The following ZNF385D variants were observed in gnomAD, a reference collection of about 807,000 sequenced individuals.
ZNF385D encodes the protein zinc finger protein 385D.
ZNF385D carries 15 observed loss-of-function variants against 35.8 expected under a neutral mutation model. That is an observed-to-expected ratio of 0.42 (90% CI 0.28 to 0.64). The LOEUF (loss-of-function observed/expected upper bound fraction) is 0.64. Among genes scored for constraint, ZNF385D ranks in the 30% least tolerant of loss-of-function variants. ZNF385D has a pLI of 0.23. For missense variants in ZNF385D, 474 were observed against 494.6 expected, an observed-to-expected ratio of 0.96 and a Z score of 0.39; for synonymous variants, 212 against 186.8, an observed-to-expected ratio of 1.13 and a Z score of -1.10.
chr3:21,689,649 G>A (rs2067219327), intron 1 of ZNF385D, among the ~76,000 whole-genome samples: 1 of 152,104 alleles, frequency 6.6e-6, no homozygotes, highest in African/African-American at 2.4e-5. Flanking sequence ...GGTCAGTCAG[G>A]TAACTGTCTG....
intron 3 of ZNF385D, among the ~76,000 whole-genome samples, chr3:21,790,104 T>C (rs899882589): frequency 2.6e-4 from 40 of 151,980 alleles, no homozygotes; most frequent in Non-Finnish European, 3.8e-4. Flanking sequence ...TAACTATCTA[T>C]GCTCATGGAT....
At chr3:22,279,836 C>T (rs1255546581) in intron 2 of ZNF385D, among the ~76,000 whole-genome samples, 1 of 151,924 alleles carries the variant, frequency 6.6e-6, no homozygotes, top group Non-Finnish European at 1.5e-5. Context: ...GGCAGATCTA[C>T]TTTTAGCTCT....
chr3:21,561,259 T>G (rs1168918166), intron 3 of ZNF385D, among the ~76,000 whole-genome samples: 1 of 152,180 alleles, frequency 6.6e-6, no homozygotes, highest in Admixed American at 6.5e-5. Flanking sequence ...TGCTGGAAAC[T>G]TAGGGCCCTG....
At chr3:21,817,033 A>G (rs1376382788) in intron 3 of ZNF385D, among the ~76,000 whole-genome samples, 1 of 152,288 alleles carries the variant, frequency 6.6e-6, no homozygotes, top group East Asian at 1.9e-4. Context: ...AATACCACAC[A>G]TGTATAACCA....
intron 3 of ZNF385D, among the ~76,000 whole-genome samples, chr3:21,787,035 A>C (rs968789371): frequency 1.3e-5 from 2 of 152,244 alleles, no homozygotes; most frequent in Admixed American, 1.3e-4. Context: ...AATTTTAAAA[A>C]GTATTAATCA....
intron 3 of ZNF385D, among the ~76,000 whole-genome samples, chr3:21,989,117 C>T (rs904472647): frequency 3.9e-5 from 6 of 152,124 alleles, no homozygotes; most frequent in Non-Finnish European, 5.9e-5. Context: ...CCGTCTTCTG[C>T]GTCGCTCACG....
intron 2 of ZNF385D, among the ~76,000 whole-genome samples, chr3:22,226,910 A>G (rs1244672076): frequency 2.0e-5 from 3 of 152,152 alleles, no homozygotes; most frequent in East Asian, 3.9e-4. Flanking sequence ...CTTGAATCAT[A>G]TCATTGAGTT....
intron 3 of ZNF385D, among the ~76,000 whole-genome samples, chr3:22,110,725 A>G (rs1012148193): frequency 1.3e-5 from 2 of 151,868 alleles, no homozygotes; most frequent in Non-Finnish European, 2.9e-5. Flanking sequence ...CCAACATGGC[A>G]CATGTATACA....
chr3:22,354,651 G>A (rs576809835), intron 2 of ZNF385D, among the ~76,000 whole-genome samples: 6 of 152,020 alleles, frequency 3.9e-5, no homozygotes, highest in South Asian at 2.1e-4. Context: ...CATCAGGCAC[G>A]TTGTCTTCAA....
At chr3:22,076,780 T>C (rs768391683) in intron 3 of ZNF385D, among the ~76,000 whole-genome samples, 14 of 151,764 alleles carry the variant, frequency 9.2e-5, no homozygotes, top group Non-Finnish European at 1.9e-4. Flanking sequence ...TTGAAAAATA[T>C]AGTGACTTAT....
chr3:21,605,785 T>C (rs933059824), intron 2 of ZNF385D, among the ~76,000 whole-genome samples: 1 of 152,182 alleles, frequency 6.6e-6, no homozygotes, highest in African/African-American at 2.4e-5. Context: ...GTTGTAAGGA[T>C]ATGGATGAGG....
At chr3:21,707,344 G>C (rs144805915) in intron 1 of ZNF385D, among the ~76,000 whole-genome samples, 15 of 152,288 alleles carry the variant, frequency 9.8e-5, no homozygotes, top group African/African-American at 3.6e-4. Flanking sequence ...CTTTGGTACA[G>C]TAGGAAGTCA....
At chr3:21,910,441 T>G (rs534721219) in intron 3 of ZNF385D, among the ~76,000 whole-genome samples, 107 of 151,972 alleles carry the variant, frequency 7.0e-4, no homozygotes, top group African/African-American at 2.4e-3. Flanking sequence ...CTTAAACCAT[T>G]TGAAATATTA....
At position 22,342,801 on chromosome 3, in the gene ZNF385D, T is replaced by A. The variant is rs146245975; in HGVS notation, c.106+29649A>T. The stretch of plus-strand genomic sequence containing the variant: ...TCTCCAATGGATTATAATTAAGTCA[T>A]GTGCCCAAAGTCGTTTTGGAAAGAA... On this transcript the variant is annotated intron_variant, in intron 2 of 5. Coordinates refer to the ZNF385D transcript ENST00000494108. 2.6e-5 allele frequency among the ~76,000 whole-genome samples: 4 copies of A among 152,344 alleles called. No homozygotes were observed. The East Asian group carries it at 5.8e-4, about 22-fold the overall frequency.
At chr3:22,144,469 G>C (rs924414114) in intron 3 of ZNF385D, among the ~76,000 whole-genome samples, 2 of 150,950 alleles carry the variant, frequency 1.3e-5, no homozygotes, top group South Asian at 2.1e-4. Flanking sequence ...AGCTACTGCG[G>C]AGGCTAAGGC....
At chr3:21,591,534 C>T (rs1397942404) in intron 2 of ZNF385D, among the ~76,000 whole-genome samples, 1 of 152,038 alleles carries the variant, frequency 6.6e-6, no homozygotes, top group African/African-American at 2.4e-5. Flanking sequence ...TTTTAAAAGT[C>T]AATATTTTAG....
At chr3:21,892,885 T>G (rs1698944966) in intron 3 of ZNF385D, among the ~76,000 whole-genome samples, 1 of 152,186 alleles carries the variant, frequency 6.6e-6, no homozygotes, top group East Asian at 1.9e-4. Flanking sequence ...TGAAATAGAA[T>G]AGAATAGAAT....
rs1008568114 is a variant in ZNF385D, at chr3:21,412,319, G to T, written c.*8895C>A. On this transcript the variant is annotated 3_prime_UTR_variant, in exon 8 of 8. Transcript: ENST00000281523. ...TGTGAGTCACTACAATTCTCACTTG[G>T]CACTTGGAACAGTCGTGTTATATAG... 1 of 151,928 alleles carries T rather than the reference G, an allele frequency of 6.6e-6. No individual in the cohort carries two copies. The highest frequency in any genetic ancestry group is 1.5e-5 in the Non-Finnish European group (1 of 67,924). The allele number at this position is 151,928 out of a possible 1,614,324, so 9.4% of individuals were successfully genotyped here.
In ZNF385D at chr3:21,930,741, C is replaced by T. The variant is rs570702912; in HGVS notation, c.325+238076G>A. 5.9e-5 allele frequency among the ~76,000 whole-genome samples: 9 copies of T among 152,184 alleles called. No individual in the cohort carries two copies. In the South Asian group the frequency reaches 1.5e-3, roughly 25 times the overall value. ...GTGAGAGGAATGATAGTCTTCCCAA[C>T]AAATTGTGCTAATAAGATGCCCATA... is the stretch of plus-strand genomic sequence containing the variant. On this transcript the variant is annotated intron_variant, in intron 3 of 5. Coordinates refer to the ZNF385D transcript ENST00000494108.
Sources: allele counts gnomAD v4.1 joint callset (sites outside exome capture counted in the v4.1 genomes callset), GRCh38; gene constraint gnomAD v4.1.1; transcripts MANE v1.5; gene names NCBI Gene and HGNC (gene_info 2026-07-23, HGNC 2026-07-21).